S1PR4: variants seen among roughly 807,000 people sequenced by gnomAD.
S1PR4 encodes sphingosine 1-phosphate receptor 4.
A neutral mutation model predicts 0.4 loss-of-function variants in S1PR4; 1 was observed. That is an observed-to-expected ratio of 2.48 (90% CI 0.88 to 11.76). The LOEUF (loss-of-function observed/expected upper bound fraction) is 11.76, where lower values mean the gene tolerates loss of function less well. S1PR4 is among the 30% of genes most tolerant of loss of function. The pLI is 0.12. For synonymous variants in S1PR4, 296 were observed against 266.7 expected (o/e 1.11, Z -1.07); for missense variants, 595 against 557.8 (o/e 1.07, Z -0.67).
In S1PR4 at chr19:3,179,303, C is replaced by T; in HGVS notation, c.511C>T (p.Leu171=). ...CTACGGCTTCATCGGCCTCTGCTGG[C>T]TGCTGGCCGCGCTGCTGGGGATGCT... is the stretch of plus-strand genomic sequence containing the variant. ...RVYGFIGLCW[L]LAALLGMLPL... Residue 171 remains leucine, a synonymous_variant, in exon 1 of 1, where the codon CTG becomes TTG. Coordinates refer to ENST00000246115, the MANE Select transcript of S1PR4 (RefSeq NM_003775.4). The T allele has an allele frequency of 1.2e-6, 2 of 1,610,302 alleles. No individual in the cohort carries two copies. Among genetic ancestry groups the T allele is most frequent in the Non-Finnish European group, 1.7e-6 (2 of 1,178,538 alleles).
chr19:3,178,975 G>A lies in S1PR4; in HGVS notation c.183G>A (p.Val61=), dbSNP rs1393541229. 18 of 1,570,060 alleles carry A rather than the reference G, an allele frequency of 1.1e-5. No homozygotes were observed. Among genetic ancestry groups the A allele is most frequent in the Admixed American group, 1.8e-5 (1 of 55,080 alleles). ...CGGTGGCCGCCAGCTGCCTGGTGGT[G>A]CTGGAGAACTTGCTGGTGCTGGCGG... is the stretch of plus-strand genomic sequence containing the variant. ...GLSVAASCLV[V]LENLLVLAAI... Residue 61 remains valine (V), a synonymous_variant, in exon 1 of 1, where the codon GTG becomes GTA. Coordinates refer to ENST00000246115, the MANE Select transcript of S1PR4 (RefSeq NM_003775.4).
At position 3,180,072 on chromosome 19, in the gene S1PR4, C is replaced by CT; in HGVS notation, c.*125_*126insT. On this transcript the variant is annotated 3_prime_UTR_variant, in exon 1 of 1. Transcript: ENST00000246115. ...GGGAGCAGGGAACGGGACAGGCCCC[C>CT]ATGGTCTTCCCGGTGGCCTCTCGGG... The CT allele has an allele frequency of 2.2e-6, 2 of 926,886 alleles. No homozygotes were observed. Among genetic ancestry groups the CT allele is most frequent in the South Asian group, 4.8e-5 (2 of 41,950 alleles). 57.4% of individuals were successfully genotyped at this position (926,886 alleles called of 1,614,324 possible).
In S1PR4 at chr19:3,180,004, C is replaced by T. The variant is rs1415074870; in HGVS notation, c.*57C>T. ...ACCGGGTGCGTGCCAGGCAGGCCCT[C>T]CTGGGGTACAGGAAGCTGTGTGCAC... On this transcript the variant is annotated 3_prime_UTR_variant, in exon 1 of 1. Coordinates refer to ENST00000246115, the MANE Select transcript of S1PR4 (RefSeq NM_003775.4). The T allele has an allele frequency of 4.8e-6, 7 of 1,467,362 alleles. No individual in the cohort carries two copies. The highest frequency in any genetic ancestry group is 6.4e-6 in the Non-Finnish European group (7 of 1,096,136). 90.9% of individuals were successfully genotyped at this position (1,467,362 alleles called of 1,614,324 possible).
Position 3,179,282 on chromosome 19 carries a change from G to T in S1PR4, c.490G>T (p.Gly164Cys), listed in dbSNP as rs150230356. The change falls in exon 1 of 1, where the codon GGC becomes TGC. Residue 164 changes from glycine to cysteine, a missense_variant. By Grantham distance (159) the Gly-to-Cys change is radical (BLOSUM62 -3). Transcript: ENST00000246115. The stretch of plus-strand genomic sequence containing the variant: ...GGCCACCAAGACCAGCCGCGTCTAC[G>T]GCTTCATCGGCCTCTGCTGGCTGCT... Reference protein sequence around the residue: ...SGATKTSRVYGFIGLCWLLAA... With the variant: ...SGATKTSRVYCFIGLCWLLAA... The T allele has an allele frequency of 1.2e-6, 2 of 1,606,106 alleles. No homozygotes were observed. Among genetic ancestry groups the T allele is most frequent in the South Asian group, 2.2e-5 (2 of 90,174 alleles).
chr19:3,180,007 G>T lies in S1PR4; in HGVS notation c.*60G>T. The T allele has an allele frequency of 6.9e-7, 1 of 1,458,802 alleles. No homozygotes were observed. The highest frequency in any genetic ancestry group is 1.4e-5 in the South Asian group (1 of 72,288). The allele number at this position is 1,458,802 out of a possible 1,614,324, so 90.4% of individuals were successfully genotyped here. A position where few individuals can be genotyped will look rare whatever the true frequency, so the allele number is the denominator to read the frequency against. On this transcript the variant is annotated 3_prime_UTR_variant, in exon 1 of 1. Transcript: ENST00000246115. ...GGGTGCGTGCCAGGCAGGCCCTCCTGGGGTACAGGAAGCTGTGTGCACGCA... is the reference window on the plus strand; with the variant it reads ...GGGTGCGTGCCAGGCAGGCCCTCCTTGGGTACAGGAAGCTGTGTGCACGCA...
chr19:3,179,534 C>G lies in S1PR4; in HGVS notation c.742C>G (p.Arg248Gly). ...PRPAARRKAR[R>G]LLKTVLMILL... ...CCCAGCGGCCCGCCGCAAGGCCCGCCGCCTGCTGAAGACGGTGCTGATGAT... is the reference window on the plus strand; with the variant it reads ...CCCAGCGGCCCGCCGCAAGGCCCGCGGCCTGCTGAAGACGGTGCTGATGAT... Residue 248 changes from arginine to glycine, a missense_variant, in exon 1 of 1, where the codon CGC becomes GGC. Arg to Gly is a moderately radical substitution (Grantham distance 125). Coordinates refer to ENST00000246115, the MANE Select transcript of S1PR4 (RefSeq NM_003775.4). 6.2e-6 allele frequency: 10 copies of G among 1,612,004 alleles called. No homozygotes were observed. Among genetic ancestry groups the G allele is most frequent in the African/African-American group, 1.3e-5 (1 of 75,026 alleles).
Position 3,179,138 on chromosome 19 carries a change from G to T in S1PR4, c.346G>T (p.Ala116Ser), listed in dbSNP as rs199739701. 1 of 1,611,722 alleles carries T rather than the reference G, an allele frequency of 6.2e-7. No homozygotes were observed. The highest frequency in any genetic ancestry group is 1.7e-5 in the Admixed American group (1 of 60,002). ...SGARTFRLAP[A>S]QWFLREGLLF... ...GGCCCGCACCTTCCGTCTGGCGCCC[G>T]CCCAGTGGTTCCTACGGGAGGGCCT... Residue 116 changes from alanine (A) to serine (S), a missense_variant, in exon 1 of 1, where the codon GCC becomes TCC. Coordinates refer to ENST00000246115, the MANE Select transcript of S1PR4 (RefSeq NM_003775.4).
rs761735685 is a variant in S1PR4, at chr19:3,179,510, C to T, written c.718C>T (p.Pro240Ser). ...VQASGQKAPR[P>S]AARRKARRLL... ...GGCCAGCGGGCAGAAGGCCCCACGC[C>T]CAGCGGCCCGCCGCAAGGCCCGCCG... The change falls in exon 1 of 1, where the codon CCA becomes TCA. Residue 240 changes from proline to serine, a missense_variant. Pro to Ser is a moderately conservative substitution (Grantham distance 74, BLOSUM62 -1). Transcript: ENST00000246115. 1.9e-6 allele frequency: 3 copies of T among 1,610,348 alleles called. No individual in the cohort carries two copies. Among genetic ancestry groups the T allele is most frequent in the Non-Finnish European group, 2.5e-6 (3 of 1,178,488 alleles).
Position 3,178,893 on chromosome 19 carries a change from G to C in S1PR4, c.101G>C (p.Arg34Pro). The C allele has an allele frequency of 6.5e-7, 1 of 1,526,774 alleles. No homozygotes were observed. Among genetic ancestry groups the C allele is most frequent in the South Asian group, 1.2e-5 (1 of 82,930 alleles). The allele number at this position is 1,526,774 out of a possible 1,614,324, so 94.6% of individuals were successfully genotyped here. A position where few individuals can be genotyped will look rare whatever the true frequency, so the allele number is the denominator to read the frequency against. Residue 34 changes from arginine to proline, a missense_variant, in exon 1 of 1, where the codon CGG (arginine) becomes CCG (proline). Arg to Pro is a moderately radical substitution (Grantham distance 103, BLOSUM62 -2). Transcript: ENST00000246115. ...GTTCTGCACTACAACCACTCGGGCCGGCTGGCCGGGCGCGGGGGGCCGGAG... is the reference window on the plus strand; with the variant it reads ...GTTCTGCACTACAACCACTCGGGCCCGCTGGCCGGGCGCGGGGGGCCGGAG... The part of the protein sequence containing the change: ...LIVLHYNHSG[R>P]LAGRGGPEDG...
chr19:3,178,846 C>G lies in S1PR4; in HGVS notation c.54C>G (p.Ala18=). 6.5e-7 allele frequency: 1 copy of G among 1,535,250 alleles called. No homozygotes were observed. The highest frequency in any genetic ancestry group is 8.7e-7 in the Non-Finnish European group (1 of 1,147,300). Residue 18 remains alanine, a synonymous_variant, in exon 1 of 1, where the codon GCC becomes GCG. Transcript: ENST00000246115. The stretch of plus-strand genomic sequence containing the variant: ...CCGAGTCCTGCCAACAGCTGGCGGC[C>G]GGCGGGCACAGCCGGCTCATTGTTC... ...VAPESCQQLA[A]GGHSRLIVLH... is the part of the protein sequence containing the mutation.
chr19:3,180,045 T>TGGGGAGC lies in S1PR4; in HGVS notation c.*99_*105dup. On this transcript the variant is annotated 3_prime_UTR_variant, in exon 1 of 1. Coordinates refer to ENST00000246115, the MANE Select transcript of S1PR4 (RefSeq NM_003775.4). ...CTGTGTGCACGCAGCCTCGCCTGTA[T>TGGGGAGC]GGGGAGCAGGGAACGGGACAGGCCC... is the stretch of plus-strand genomic sequence containing the variant. 8.2e-7 allele frequency: 1 copy of TGGGGAGC among 1,223,852 alleles called. No homozygotes were observed. Among genetic ancestry groups the TGGGGAGC allele is most frequent in the Non-Finnish European group, 1.1e-6 (1 of 885,050 alleles). The allele number at this position is 1,223,852 out of a possible 1,614,324, so 75.8% of individuals were successfully genotyped here. A position where few individuals can be genotyped will look rare whatever the true frequency, so the allele number is the denominator to read the frequency against.
rs754285036 is a variant in S1PR4, at chr19:3,178,934, G to A, written c.142G>A (p.Ala48Thr). The A allele has an allele frequency of 1.4e-5, 21 of 1,532,482 alleles. No individual in the cohort carries two copies. The highest frequency in any genetic ancestry group is 5.5e-5 in the African/African-American group (4 of 72,694). 94.9% of individuals were successfully genotyped at this position (1,532,482 alleles called of 1,614,324 possible). The change falls in exon 1 of 1, where the codon GCC (alanine) becomes ACC (threonine). Residue 48 changes from alanine to threonine, a missense_variant. Ala to Thr is a moderately conservative substitution (Grantham distance 58). Transcript: ENST00000246115. ...GGGGCCGGAGGATGGCGGCCTGGGG[G>A]CCCTGCGGGGGCTGTCGGTGGCCGC... Reference protein sequence around the residue: ...RGGPEDGGLGALRGLSVAASC... With the variant: ...RGGPEDGGLGTLRGLSVAASC...
rs772454184 is a variant in S1PR4, at chr19:3,179,259, C to T, written c.467C>T (p.Ala156Val). The change falls in exon 1 of 1, where the codon GCC (alanine) becomes GTC (valine). Residue 156 changes from alanine to valine, a missense_variant. By Grantham distance (64) the Ala-to-Val change is moderately conservative. Transcript: ENST00000246115. ...GTGCGGCCGGTGGCCGAGAGCGGGGCCACCAAGACCAGCCGCGTCTACGGC... is the reference window on the plus strand; with the variant it reads ...GTGCGGCCGGTGGCCGAGAGCGGGGTCACCAAGACCAGCCGCGTCTACGGC... ...TMVRPVAESG[A>V]TKTSRVYGFI... The T allele has an allele frequency of 3.5e-5, 56 of 1,599,130 alleles. No homozygotes were observed. The Admixed American group carries it at 5.0e-4, about 14-fold the overall frequency.
Position 3,179,508 on chromosome 19 carries a change from G to A in S1PR4, c.716G>A (p.Arg239His), listed in dbSNP as rs200307755. Residue 239 changes from arginine (R) to histidine (H), a missense_variant, in exon 1 of 1, where the codon CGC becomes CAC. Physicochemically the swap from Arg to His is conservative, Grantham distance 29. Coordinates refer to ENST00000246115, the MANE Select transcript of S1PR4 (RefSeq NM_003775.4). ...CAGGCCAGCGGGCAGAAGGCCCCAC[G>A]CCCAGCGGCCCGCCGCAAGGCCCGC... ...LVQASGQKAPRPAARRKARRL... is the reference protein window; with the variant it reads ...LVQASGQKAPHPAARRKARRL... 73 of 1,609,822 alleles carry A rather than the reference G, an allele frequency of 4.5e-5. No individual in the cohort carries two copies. Among genetic ancestry groups the A allele is most frequent in the East Asian group, 3.1e-4 (14 of 44,846 alleles).
chr19:3,179,190 C>A lies in S1PR4; in HGVS notation c.398C>A (p.Thr133Asn). The A allele has an allele frequency of 6.2e-7, 1 of 1,609,274 alleles. No individual in the cohort carries two copies. Among genetic ancestry groups the A allele is most frequent in the Non-Finnish European group, 8.5e-7 (1 of 1,177,802 alleles). ...GLLFTALAASTFSLLFTAGER... is the reference protein window; with the variant it reads ...GLLFTALAASNFSLLFTAGER... ...CTCTTCACCGCCCTGGCCGCCTCCA[C>A]CTTCAGCCTGCTCTTCACTGCAGGG... Residue 133 changes from threonine (T) to asparagine (N), a missense_variant, in exon 1 of 1, where the codon ACC becomes AAC. Thr to Asn is a moderately conservative substitution (Grantham distance 65, BLOSUM62 0). Transcript: ENST00000246115.
Position 3,179,241 on chromosome 19 carries a change from C to T in S1PR4, c.449C>T (p.Pro150Leu), listed in dbSNP as rs766292683. Residue 150 changes from proline to leucine, a missense_variant, in exon 1 of 1, where the codon CCG becomes CTG. Physicochemically the swap from Pro to Leu is moderately conservative, Grantham distance 98 (BLOSUM62 -3). Transcript: ENST00000246115. ...GAGCGCTTTGCCACCATGGTGCGGC[C>T]GGTGGCCGAGAGCGGGGCCACCAAG... ...AGERFATMVR[P>L]VAESGATKTS... 3.2e-5 allele frequency: 51 copies of T among 1,598,456 alleles called. No individual in the cohort carries two copies. Among genetic ancestry groups the T allele is most frequent in the Non-Finnish European group, 4.0e-5 (47 of 1,172,166 alleles).
chr19:3,179,853 C>T lies in S1PR4; in HGVS notation c.1061C>T (p.Ser354Phe). Residue 354 changes from serine (S) to phenylalanine (F), a missense_variant, in exon 1 of 1, where the codon TCT (serine) becomes TTT (phenylalanine). Coordinates refer to ENST00000246115, the MANE Select transcript of S1PR4 (RefSeq NM_003775.4). Reference sequence around the variant, plus strand: ...TCCGGAGCTTCCACCACCGACAGCTCTCTGAGGCCAAGGGACAGCTTTCGC... The same window carrying T: ...TCCGGAGCTTCCACCACCGACAGCTTTCTGAGGCCAAGGGACAGCTTTCGC... Reference protein sequence around the residue: ...AHSGASTTDSSLRPRDSFRGS... With the variant: ...AHSGASTTDSFLRPRDSFRGS... 1 of 1,576,628 alleles carries T rather than the reference C, an allele frequency of 6.3e-7. No homozygotes were observed. Among genetic ancestry groups the T allele is most frequent in the Non-Finnish European group, 8.6e-7 (1 of 1,161,396 alleles).
chr19:3,179,312 G>T lies in S1PR4; in HGVS notation c.520G>T (p.Ala174Ser). 6.2e-7 allele frequency: 1 copy of T among 1,611,180 alleles called. No individual in the cohort carries two copies. The highest frequency in any genetic ancestry group is 8.5e-7 in the Non-Finnish European group (1 of 1,179,030). The part of the protein sequence containing the change: ...GFIGLCWLLA[A>S]LLGMLPLLGW... ...CATCGGCCTCTGCTGGCTGCTGGCC[G>T]CGCTGCTGGGGATGCTGCCTTTGCT... The change falls in exon 1 of 1, where the codon GCG becomes TCG. Residue 174 changes from alanine to serine, a missense_variant. Physicochemically the swap from Ala to Ser is moderately conservative, Grantham distance 99 (BLOSUM62 1). Coordinates refer to ENST00000246115, the MANE Select transcript of S1PR4 (RefSeq NM_003775.4).
Position 3,178,861 on chromosome 19 carries a change from G to A in S1PR4, c.69G>A (p.Arg23=). 1 of 1,536,594 alleles carries A rather than the reference G, an allele frequency of 6.5e-7. No homozygotes were observed. Among genetic ancestry groups the A allele is most frequent in the Non-Finnish European group, 8.7e-7 (1 of 1,147,536 alleles). ...AGCTGGCGGCCGGCGGGCACAGCCG[G>A]CTCATTGTTCTGCACTACAACCACT... is the stretch of plus-strand genomic sequence containing the variant. ...CQQLAAGGHS[R]LIVLHYNHSG... is the part of the protein sequence containing the mutation. Residue 23 remains arginine, a synonymous_variant, in exon 1 of 1, where the codon CGG becomes CGA. Transcript: ENST00000246115.
Sources: allele counts gnomAD v4.1 joint callset, GRCh38; gene constraint gnomAD v4.1.1; transcripts MANE v1.5; gene names NCBI Gene and HGNC (gene_info 2026-07-23, HGNC 2026-07-21).